SDK1: variants seen among roughly 807,000 people sequenced by gnomAD.
SDK1 encodes sidekick cell adhesion molecule 1.
SDK1 carries 157 observed loss-of-function variants against 245.5 expected under a neutral mutation model. That is an observed-to-expected ratio of 0.64 (90% CI 0.56 to 0.73). The LOEUF (loss-of-function observed/expected upper bound fraction) is 0.73, where lower values mean the gene tolerates loss of function less well. Among genes scored for constraint, SDK1 ranks in the 30% least tolerant of loss-of-function variants. SDK1 has a pLI of 0.00. For synonymous variants in SDK1, 1,647 were observed against 1,278.5 expected (o/e 1.29, Z -6.15); for missense variants, 3,583 against 3,002.3 (o/e 1.19, Z -4.52).
intron 2 of SDK1, among the ~76,000 whole-genome samples, chr7:3,623,215 A>G (rs897167273): frequency 2.0e-5 from 3 of 150,582 alleles, no homozygotes; most frequent in African/African-American, 7.3e-5. Flanking sequence ...TGCGTTACAC[A>G]CTGCACAGTG....
chr7:3,916,494 AT>A (rs1779384998), intron 5 of SDK1, among the ~76,000 whole-genome samples: 1 of 152,190 alleles, frequency 6.6e-6, no homozygotes, highest in South Asian at 2.1e-4. Flanking sequence ...AACTCTTGCC[AT>A]CTTTGTCTTA....
chr7:4,114,384 G>T, intron 25 of SDK1, 110 bp downstream of exon 25: 2 of 840,426 alleles, frequency 2.4e-6, no homozygotes, highest in Non-Finnish European at 3.7e-6. Context: ...TGTCCCACTT[G>T]TGTCTGTCTT....
intron 17 of SDK1, among the ~76,000 whole-genome samples, chr7:4,024,118 T>C (rs565711092): frequency 1.3e-5 from 2 of 152,368 alleles, no homozygotes; most frequent in Non-Finnish European, 2.9e-5. Flanking sequence ...TGTGCTGTAA[T>C]GATTTATTCT....
chr7:3,980,378 C>T (rs1301055744), intron 13 of SDK1, among the ~76,000 whole-genome samples: 1 of 152,214 alleles, frequency 6.6e-6, no homozygotes, highest in Non-Finnish European at 1.5e-5. Context: ...CTTTCAATTA[C>T]AAAGTGACTC....
chr7:4,247,458 G>A, intron 44 of SDK1, among the ~76,000 whole-genome samples: 1 of 152,224 alleles, frequency 6.6e-6, no homozygotes, highest in South Asian at 2.1e-4. Flanking sequence ...AAAACTACCT[G>A]CCTTTTTGTG....
At chr7:3,921,814 A>G (rs1005948461) in intron 5 of SDK1, among the ~76,000 whole-genome samples, 3 of 151,924 alleles carry the variant, frequency 2.0e-5, no homozygotes, top group Admixed American at 6.6e-5. Flanking sequence ...AAAATAAAAA[A>G]AATCAGGTGG....
chr7:3,781,829 A>C (rs1434806428), intron 4 of SDK1, among the ~76,000 whole-genome samples: 1 of 152,210 alleles, frequency 6.6e-6, no homozygotes, highest in Non-Finnish European at 1.5e-5. Flanking sequence ...AGAAAGAATT[A>C]GTGATCTGGA....
intron 4 of SDK1, among the ~76,000 whole-genome samples, chr7:3,718,181 T>C (rs1453439682): frequency 1.3e-5 from 2 of 152,176 alleles, no homozygotes; most frequent in Middle Eastern, 3.4e-3. Context: ...AGCATATCCA[T>C]TGACACAGAA....
intron 5 of SDK1, among the ~76,000 whole-genome samples, chr7:3,822,784 AAAAAG>A (rs1411051132): frequency 4.6e-5 from 7 of 152,116 alleles, no homozygotes; most frequent in Admixed American, 1.3e-4. Context: ...GAAAAAAAAA[AAAAAG>A]AAAAGTATGT....
intron 1 of SDK1, among the ~76,000 whole-genome samples, chr7:3,399,765 T>G (rs1275683038): frequency 6.6e-6 from 1 of 152,118 alleles, no homozygotes; most frequent in Non-Finnish European, 1.5e-5. Flanking sequence ...TCTGTATATG[T>G]GTTGTGTATG....
In SDK1 at chr7:3,856,423, T is replaced by G. The variant is rs192980571; in HGVS notation, c.847+34840T>G. 2.1e-3 allele frequency among the ~76,000 whole-genome samples: 312 copies of G among 151,710 alleles called. 1 individual carries two copies. Among genetic ancestry groups the G allele is most frequent in the Non-Finnish European group, 3.8e-3 (261 of 67,940 alleles). The stretch of plus-strand genomic sequence containing the variant: ...ATAATCTCAGTAAATGTGACTAATT[T>G]TGACTAACAAGACTAACTTCAACCC... On this transcript the variant is annotated intron_variant, in intron 5 of 44. Transcript: ENST00000404826.
At chr7:3,440,518 T>C (rs1283715660) in intron 1 of SDK1, among the ~76,000 whole-genome samples, 3 of 152,154 alleles carry the variant, frequency 2.0e-5, no homozygotes, top group Admixed American at 2.0e-4. Context: ...AGGTTCACAG[T>C]GATCAGATCA....
intron 1 of SDK1, among the ~76,000 whole-genome samples, chr7:3,539,216 T>C (rs1313187252): frequency 6.6e-6 from 1 of 152,184 alleles, no homozygotes; most frequent in East Asian, 1.9e-4. Context: ...CACTTGGACC[T>C]ATCAAGGAGT....
chr7:3,632,290 G>A (rs796412711), intron 2 of SDK1, among the ~76,000 whole-genome samples: 1 of 152,292 alleles, frequency 6.6e-6, no homozygotes, highest in East Asian at 1.9e-4. Context: ...AATGACGAAT[G>A]CATAATCCCC....
intron 29 of SDK1, among the ~76,000 whole-genome samples, chr7:4,146,903 G>T (rs1289375913): frequency 6.6e-6 from 1 of 152,196 alleles, no homozygotes; most frequent in African/African-American, 2.4e-5. Flanking sequence ...ACACACAACT[G>T]CAGAGCTGAG....
At chr7:3,469,026 C>A (rs911901101) in intron 1 of SDK1, among the ~76,000 whole-genome samples, 2 of 152,054 alleles carry the variant, frequency 1.3e-5, no homozygotes, top group African/African-American at 4.8e-5. Context: ...GCTTAAAGGC[C>A]AGTTTTTGCT....
At position 3,642,113 on chromosome 7, in the gene SDK1, G is replaced by A. The variant is rs766138461; in HGVS notation, c.713+8G>A. 1.5e-5 allele frequency: 25 copies of A among 1,613,406 alleles called. No individual in the cohort carries two copies. In the Admixed American group the frequency reaches 4.2e-4, roughly 27 times the overall value. On this transcript the variant is annotated splice_region_variant and intron_variant, in intron 4 of 44. Transcript: ENST00000404826. ...TATTCCAAGCAACAGAATGTAAGTT[G>A]CTCCAAACGTTAAAGCTTCAAATAC...
chr7:4,096,295 T>C (rs1782147508), intron 22 of SDK1, among the ~76,000 whole-genome samples: 1 of 152,172 alleles, frequency 6.6e-6, no homozygotes, highest in South Asian at 2.1e-4. Context: ...CTGCATGGAT[T>C]TGTGTGGCCA....
At chr7:3,829,056 A>C (rs926615030) in intron 5 of SDK1, among the ~76,000 whole-genome samples, 3 of 152,202 alleles carry the variant, frequency 2.0e-5, no homozygotes, top group Non-Finnish European at 4.4e-5. Flanking sequence ...CTGTGTATCA[A>C]ATGTTTAGAC....
Sources: allele counts gnomAD v4.1 joint callset (sites outside exome capture counted in the v4.1 genomes callset), GRCh38; gene constraint gnomAD v4.1.1; transcripts MANE v1.5; gene names NCBI Gene and HGNC (gene_info 2026-07-23, HGNC 2026-07-21).